Variants in COG5 observed in about 807,000 individuals in gnomAD.
The protein encoded by COG5 is component of oligomeric golgi complex 5, also known as conserved oligomeric Golgi complex subunit 5.
In COG5, 86 loss-of-function variants were observed where a neutral mutation model predicts 110.4. The ratio of observed to expected loss-of-function variants is 0.78; its 90% CI spans 0.65 to 0.93. The LOEUF (loss-of-function observed/expected upper bound fraction) is 0.93, where lower values mean the gene tolerates loss of function less well. COG5 is among the 40% of genes least tolerant of loss of function. The pLI is 0.00. For synonymous variants in COG5, 360 were observed against 334.6 expected (o/e 1.08, Z -0.83); for missense variants, 1,077 against 987.0 (o/e 1.09, Z -1.22).
At chr7:107,393,741 T>C (rs2129057633) in intron 7 of COG5, among the ~76,000 whole-genome samples, 1 of 152,298 alleles carries the variant, frequency 6.6e-6, no homozygotes. Flanking sequence ...ACCAAAACCA[T>C]TTTTAAAATA....
intron 6 of COG5, among the ~76,000 whole-genome samples, chr7:107,466,350 G>A (rs1261253444): frequency 6.6e-6 from 1 of 152,088 alleles, no homozygotes; most frequent in African/African-American, 2.4e-5. Context: ...GGCAAGAAAT[G>A]CCATGTATTT....
intron 8 of COG5, among the ~76,000 whole-genome samples, chr7:107,363,998 T>C (rs1014192697): frequency 2.6e-5 from 4 of 151,342 alleles, no homozygotes; most frequent in East Asian, 1.9e-4. Flanking sequence ...ATTCATCACA[T>C]AGTCTCAAAG....
At chr7:107,540,624 AG>A (rs770353100) in intron 5 of COG5, among the ~76,000 whole-genome samples, 14 of 150,752 alleles carry the variant, frequency 9.3e-5, no homozygotes, top group South Asian at 2.1e-4. Context: ...AAAAAAAAAA[AG>A]ATCAAACTGA....
At chr7:107,500,565 T>C (rs986778626) in intron 6 of COG5, among the ~76,000 whole-genome samples, 33 of 152,182 alleles carry the variant, frequency 2.2e-4, no homozygotes. Flanking sequence ...GAGAATGGTT[T>C]ACCAGATATA....
chr7:107,241,564 G>A (rs1156645996), intron 17 of COG5, among the ~76,000 whole-genome samples: 1 of 151,556 alleles, frequency 6.6e-6, no homozygotes, highest in Non-Finnish European at 1.5e-5. Flanking sequence ...GCCTTCTCCC[G>A]CCTCAGCCTC....
intron 16 of COG5, among the ~76,000 whole-genome samples, chr7:107,254,300 G>C (rs534302468): frequency 1.8e-4 from 27 of 152,068 alleles, no homozygotes; most frequent in African/African-American, 6.0e-4. Flanking sequence ...TTTATACATC[G>C]TAACTCTCTA....
intron 14 of COG5, among the ~76,000 whole-genome samples, chr7:107,274,154 G>T (rs1042510428): frequency 6.6e-6 from 1 of 152,212 alleles, no homozygotes; most frequent in East Asian, 1.9e-4. Context: ...GCTCAGCCAG[G>T]TGTGGTGGAG....
chr7:107,375,961 T>A (rs967994734), intron 7 of COG5, among the ~76,000 whole-genome samples: 2 of 152,038 alleles, frequency 1.3e-5, no homozygotes, highest in Non-Finnish European at 2.9e-5. Context: ...TCTTTCATGC[T>A]CAGAAATACA....
At chr7:107,516,686 T>C (rs1799947062) in intron 6 of COG5, among the ~76,000 whole-genome samples, 1 of 152,196 alleles carries the variant, frequency 6.6e-6, no homozygotes, top group Admixed American at 6.5e-5. Flanking sequence ...ATCTTTTCTG[T>C]TCTGCAGCCT....
At chr7:107,517,022 A>G (rs1563078275) in intron 6 of COG5, among the ~76,000 whole-genome samples, 2 of 152,202 alleles carry the variant, frequency 1.3e-5, no homozygotes, top group African/African-American at 4.8e-5. Flanking sequence ...TAATTGACAG[A>G]AGTAGGCTTC....
chr7:107,304,693 C>T (rs866926734), intron 11 of COG5, among the ~76,000 whole-genome samples: 2 of 152,116 alleles, frequency 1.3e-5, no homozygotes, highest in African/African-American at 2.4e-5. Flanking sequence ...GCCTGTATGA[C>T]GCTGCTTCTC....
intron 18 of COG5, among the ~76,000 whole-genome samples, chr7:107,232,938 A>G (rs190073114): frequency 6.6e-6 from 1 of 152,246 alleles, no homozygotes; most frequent in Non-Finnish European, 1.5e-5. Flanking sequence ...TAACCACAGG[A>G]CTTCTTTGGA....
chr7:107,386,990 C>T (rs930233123), intron 7 of COG5, among the ~76,000 whole-genome samples: 1 of 152,094 alleles, frequency 6.6e-6, no homozygotes, highest in African/African-American at 2.4e-5. Context: ...TGCCTGAACC[C>T]CCTCCTCCAA....
chr7:107,340,641 T>G (rs1442240818), intron 10 of COG5, among the ~76,000 whole-genome samples: 1 of 152,116 alleles, frequency 6.6e-6, no homozygotes, highest in Admixed American at 6.5e-5. Flanking sequence ...AACAAAATAC[T>G]AGCAAATGGA....
At chr7:107,208,864 G>A in intron 21 of COG5, 1 of 985,468 alleles carries the variant, frequency 1.0e-6, no homozygotes, top group Non-Finnish European at 1.2e-6. Flanking sequence ...TTACTGACCT[G>A]TCATAGCTTC....
rs71134268 is a variant in COG5 at position 107,563,544 on chromosome 7, T to TGG, written c.94+257_94+258dup. On this transcript the variant is annotated intron_variant, in intron 1 of 21. Transcript: ENST00000297135. Reference sequence around the variant, plus strand: ...CGAAACTTCAGGGAAGCTGGAGGCATGGGGGGGGGGGGGGTCGAGTTGAAA... The same window carrying TGG: ...CGAAACTTCAGGGAAGCTGGAGGCATGGGGGGGGGGGGGGGGTCGAGTTGAAA... 894 of 255,766 alleles carry TGG rather than the reference T, an allele frequency of 3.5e-3. 4 individuals are homozygous for TGG. The highest frequency in any genetic ancestry group is 5.1e-3 in the East Asian group (69 of 13,644). 15.8% of individuals were successfully genotyped at this position (255,766 alleles called of 1,614,324 possible).
chr7:107,542,385 A>G lies in COG5; in HGVS notation c.417+5726T>C, dbSNP rs560083077. 2.6e-5 allele frequency among the ~76,000 whole-genome samples: 4 copies of G among 152,326 alleles called. No homozygotes were observed. In the East Asian group the frequency reaches 5.8e-4, roughly 22 times the overall value. On this transcript the variant is annotated intron_variant, in intron 5 of 21. Coordinates refer to ENST00000297135, the MANE Select transcript of COG5 (RefSeq NM_006348.5). ...ACAAGTTTGACAACACTAAGTGTTG[A>G]CAAGGATACAAACTAAAAGGAACTC...
At chr7:107,396,915 A>T (rs895651187) in intron 7 of COG5, among the ~76,000 whole-genome samples, 4 of 152,236 alleles carry the variant, frequency 2.6e-5, no homozygotes, top group African/African-American at 9.6e-5. Context: ...AGCCATAAAA[A>T]CATAGCTTAT....
At chr7:107,362,805 C>T (rs1259637109) in intron 8 of COG5, among the ~76,000 whole-genome samples, 2 of 147,412 alleles carry the variant, frequency 1.4e-5, no homozygotes, top group African/African-American at 2.5e-5. Context: ...TGTGTTGTAT[C>T]CCCTTTCTTA....
Sources: gnomAD v4.1 joint callset for allele counts (sites outside exome capture counted in the v4.1 genomes callset) on GRCh38, gnomAD v4.1.1 for gene constraint, MANE v1.5 for transcripts, NCBI Gene and HGNC (gene_info 2026-07-23, HGNC 2026-07-21) for gene names.